CD1B: variants seen among roughly 807,000 people sequenced by gnomAD.
CD1B encodes T-cell surface glycoprotein CD1b.
CD1B carries 43 observed loss-of-function variants against 39.8 expected under a neutral mutation model. The observed-to-expected ratio is 1.08, with a 90% CI of 0.85 to 1.39. CD1B has a LOEUF of 1.39. CD1B is among the 40% of genes most tolerant of loss of function. CD1B has a pLI of 0.00. For missense variants in CD1B, 495 were observed against 403.8 expected (o/e 1.23, Z -1.94); for synonymous variants, 192 against 152.5 (o/e 1.26, Z -1.91).
downstream of CD1B, among the ~76,000 whole-genome samples, chr1:158,326,407 C>A (rs1395513523): frequency 6.6e-6 from 1 of 151,992 alleles, no homozygotes; most frequent in Non-Finnish European, 1.5e-5. Context: ...AAAACAAATT[C>A]TAGGATAAAA....
chr1:158,306,457 T>C, the CD1B span, among the ~76,000 whole-genome samples: 483 of 152,254 alleles, frequency 3.2e-3, no homozygotes, highest in Non-Finnish European at 5.3e-3. Flanking sequence ...AGAAAGAGAC[T>C]TAGACTCCCA....
At chr1:158,290,863 A>T in the CD1B span, among the ~76,000 whole-genome samples, 1 of 152,164 alleles carries the variant, frequency 6.6e-6, no homozygotes, top group East Asian at 1.9e-4. Context: ...GCAAGGTTAC[A>T]TGTATCTGGG....
chr1:158,301,284 A>G, the CD1B span, among the ~76,000 whole-genome samples: 1 of 152,066 alleles, frequency 6.6e-6, no homozygotes, highest in Non-Finnish European at 1.5e-5. Context: ...TATTTAGCTC[A>G]TTTATATTTA....
At chr1:158,297,883 T>C in the CD1B span, among the ~76,000 whole-genome samples, 1 of 151,642 alleles carries the variant, frequency 6.6e-6, no homozygotes, top group Non-Finnish European at 1.5e-5. Context: ...CTGCAGTAAG[T>C]TGTGATCATG....
chr1:158,287,923 A>G, the CD1B span, among the ~76,000 whole-genome samples: 1 of 152,132 alleles, frequency 6.6e-6, no homozygotes, highest in Non-Finnish European at 1.5e-5. Flanking sequence ...CAGATGTGAT[A>G]TTTTCAGTGG....
chr1:158,294,222 T>C, the CD1B span, among the ~76,000 whole-genome samples: 2 of 152,252 alleles, frequency 1.3e-5, no homozygotes, highest in Non-Finnish European at 2.9e-5. Flanking sequence ...TCCTCAGGGT[T>C]GGAGTGGGAT....
chr1:158,323,349 A>T (rs896881045), downstream of CD1B, among the ~76,000 whole-genome samples: 7 of 151,744 alleles, frequency 4.6e-5, no homozygotes, highest in Admixed American at 3.3e-4. Flanking sequence ...ATTTTTCATT[A>T]CTTTAGTCCC....
the CD1B span, among the ~76,000 whole-genome samples, chr1:158,301,360 T>C: frequency 6.6e-6 from 1 of 152,288 alleles, no homozygotes; most frequent in African/African-American, 2.4e-5. Flanking sequence ...TGCTCATTAG[T>C]TTATGCAGTT....
At chr1:158,311,491 A>G in the CD1B span, among the ~76,000 whole-genome samples, 1 of 152,020 alleles carries the variant, frequency 6.6e-6, no homozygotes, top group Non-Finnish European at 1.5e-5. Flanking sequence ...TTTGCTGTGC[A>G]GAGCTTGTTA....
the CD1B span, chr1:158,291,304 A>T: frequency 6.2e-7 from 1 of 1,614,146 alleles, no homozygotes; most frequent in Non-Finnish European, 8.5e-7. Context: ...CAACTTCAGC[A>T]ATGAAGAGTT....
At chr1:158,305,100 G>A in the CD1B span, among the ~76,000 whole-genome samples, 4 of 152,284 alleles carry the variant, frequency 2.6e-5, no homozygotes, top group South Asian at 2.1e-4. Flanking sequence ...TGACCTTGAC[G>A]AGTTGAGAGA....
Position 158,329,916 on chromosome 1 carries a change from A to G in CD1B, c.543T>C (p.Tyr181=), listed in dbSNP as rs1027024810. ...CCAAGAGATATCGGGGGCAGGTTTC[A>G]TAGAGGAGAATTCTCACAGTTTCCA... ...GIMETVRILL[Y]ETCPRYLLGV... is the part of the protein sequence containing the mutation. Residue 181 remains tyrosine (Y), a synonymous_variant, in exon 3 of 6, where the codon TAT becomes TAC. Transcript: ENST00000368168. 1.2e-6 allele frequency: 2 copies of G among 1,614,012 alleles called. No individual in the cohort carries two copies. Among genetic ancestry groups the G allele is most frequent in the African/African-American group, 1.3e-5 (1 of 74,900 alleles).
At chr1:158,314,645 T>A in the CD1B span, among the ~76,000 whole-genome samples, 2 of 147,898 alleles carry the variant, frequency 1.4e-5, no homozygotes, top group Non-Finnish European at 3.0e-5. Context: ...TTGTTTTGTT[T>A]TTTTTATTTT....
At chr1:158,291,550 A>C in the CD1B span, 1 of 801,968 alleles carries the variant, frequency 1.2e-6, no homozygotes. Flanking sequence ...CCTGATGTTG[A>C]CTCCCTCAAA....
At chr1:158,307,062 G>A in the CD1B span, among the ~76,000 whole-genome samples, 235 of 152,184 alleles carry the variant, frequency 1.5e-3, 3 homozygotes, top group Non-Finnish European at 1.1e-3. Context: ...CTAGCAGAAG[G>A]CAAGAAATAA....
At chr1:158,327,730 C>A (rs1010391785), downstream of CD1B, among the ~76,000 whole-genome samples, 2 of 152,154 alleles carry the variant, frequency 1.3e-5, no homozygotes, top group Non-Finnish European at 1.5e-5. Flanking sequence ...TTTATTATAG[C>A]ACTAGGAAAG....
the CD1B span, among the ~76,000 whole-genome samples, chr1:158,287,389 G>A: frequency 1.2e-3 from 187 of 152,264 alleles, 1 homozygote; most frequent in Non-Finnish European, 2.0e-3. Flanking sequence ...AGGACACTAA[G>A]CCTATTGGAT....
chr1:158,316,889 G>C, the CD1B span, among the ~76,000 whole-genome samples: 2 of 151,948 alleles, frequency 1.3e-5, no homozygotes, highest in African/African-American at 2.4e-5. Flanking sequence ...TTTTGTCAAA[G>C]GTCTTTTCTG....
chr1:158,320,733 A>T, the CD1B span, among the ~76,000 whole-genome samples: 1 of 152,040 alleles, frequency 6.6e-6, no homozygotes, highest in Non-Finnish European at 1.5e-5. Context: ...TTTTCAAGAA[A>T]TATTGAAATT....
Sources: allele counts gnomAD v4.1 joint callset (sites outside exome capture counted in the v4.1 genomes callset), GRCh38; gene constraint gnomAD v4.1.1; transcripts MANE v1.5; gene names NCBI Gene and HGNC (gene_info 2026-07-23, HGNC 2026-07-21).